Variants in RPS6KA3 observed in about 807,000 individuals in gnomAD.
The protein encoded by RPS6KA3 is ribosomal protein S6 kinase alpha-3.
A neutral mutation model predicts 67.2 loss-of-function variants in RPS6KA3; 4 were observed. The observed-to-expected ratio is 0.06, with a 90% CI of 0.03 to 0.14. The LOEUF (loss-of-function observed/expected upper bound fraction) is 0.14, where lower values mean the gene tolerates loss of function less well. Ranked by LOEUF, RPS6KA3 falls within the 10% of genes least tolerant of loss-of-function variation. The probability of loss-of-function intolerance (pLI) is 1.00; values close to 1 mark genes in which losing one functional copy is unlikely to be tolerated. For missense variants in RPS6KA3, 204 were observed against 559.0 expected (o/e 0.36, Z 6.40); for synonymous variants, 182 against 183.7 (o/e 0.99, Z 0.07).
intron 17 of RPS6KA3, among the ~76,000 whole-genome samples, chrX:20,166,666 TCCTC>T (rs1213450755): frequency 1.9e-5 from 2 of 107,851 alleles, no homozygotes; most frequent in African/African-American, 6.8e-5. Context: ...TGTTCTCCTT[TCCTC>T]CCTCCCTCCC....
chrX:20,247,743 C>T (rs1272845488), intron 1 of RPS6KA3, among the ~76,000 whole-genome samples: 1 of 105,431 alleles, frequency 9.5e-6, no homozygotes, highest in Non-Finnish European at 1.9e-5. Flanking sequence ...GCCGAGATTG[C>T]GCCACTGCAC....
At position 20,249,253 on chromosome X, in the gene RPS6KA3, C is replaced by A. The variant is rs371304051; in HGVS notation, c.70-14439G>T. Among the ~76,000 whole-genome samples the A allele has an allele frequency of 8.0e-5, 9 of 111,995 alleles. No homozygotes were observed. The East Asian group carries it at 1.7e-3, about 21-fold the overall frequency. ...TTTGGTTTCTAATTTTTGGATAGTA[C>A]AAATAAAGCTGCTAGGAACATCTGT... On this transcript the variant is annotated intron_variant, in intron 1 of 21. Coordinates refer to ENST00000379565, the MANE Select transcript of RPS6KA3 (RefSeq NM_004586.3).
intron 4 of RPS6KA3, 40 bp downstream of exon 4, chrX:20,203,982 T>C (rs1200230770): frequency 1.9e-6 from 2 of 1,030,935 alleles, no homozygotes. Flanking sequence ...TTTCAGTTTG[T>C]TTAGACTACA....
chrX:20,170,337 C>A (rs1199976251), intron 15 of RPS6KA3, among the ~76,000 whole-genome samples: 1 of 111,454 alleles, frequency 9.0e-6, no homozygotes, highest in Non-Finnish European at 1.9e-5. Flanking sequence ...GACACTCCAG[C>A]AACCTAGGAA....
intron 1 of RPS6KA3, among the ~76,000 whole-genome samples, chrX:20,247,515 G>A (rs1325924254): frequency 2.7e-5 from 3 of 110,732 alleles, no homozygotes; most frequent in Non-Finnish European, 3.8e-5. Context: ...GGCCGGGCGC[G>A]GTGGCTCATG....
chrX:20,165,110 C>G lies in RPS6KA3; in HGVS notation c.1603-50G>C, dbSNP rs938501279. The stretch of plus-strand genomic sequence containing the variant: ...TTATGTTAACAATATATTTCCATTA[C>G]TGAAAGTTCTTTATTCACAAACTGT... On this transcript the variant is annotated intron_variant, in intron 17 of 21. Transcript: ENST00000379565. 5.0e-6 allele frequency: 5 copies of G among 997,766 alleles called. No individual in the cohort carries two copies. In the African/African-American group the frequency reaches 9.4e-5, roughly 19 times the overall value. The allele number at this position is 997,766 out of a possible 1,213,427, so 82.2% of individuals were successfully genotyped here.
At chrX:20,237,820 C>T (rs150936272) in intron 1 of RPS6KA3, among the ~76,000 whole-genome samples, 4 of 111,620 alleles carry the variant, frequency 3.6e-5, no homozygotes, top group African/African-American at 1.3e-4. Flanking sequence ...GTTCCTACTA[C>T]ACATAATATG....
intron 2 of RPS6KA3, among the ~76,000 whole-genome samples, chrX:20,234,020 T>C (rs1267496014): frequency 8.9e-6 from 1 of 112,399 alleles, no homozygotes; most frequent in African/African-American, 3.2e-5. Flanking sequence ...GCCAGGCACA[T>C]TGGTTTAGTT....
intron 2 of RPS6KA3, among the ~76,000 whole-genome samples, chrX:20,232,698 T>C (rs2069303361): frequency 8.9e-6 from 1 of 112,393 alleles, no homozygotes; most frequent in African/African-American, 3.2e-5. Context: ...ATGGAGTTAA[T>C]ATCCAGAATA....
chrX:20,261,932 T>C (rs1162901076), intron 1 of RPS6KA3, among the ~76,000 whole-genome samples: 1 of 112,010 alleles, frequency 8.9e-6, no homozygotes, highest in Non-Finnish European at 1.9e-5. Context: ...TAGATACTTG[T>C]TTTTTTCTAT....
chrX:20,213,898 TTATA>T (rs2068780731), intron 2 of RPS6KA3, among the ~76,000 whole-genome samples: 1 of 109,972 alleles, frequency 9.1e-6, no homozygotes, highest in Non-Finnish European at 1.9e-5. Context: ...AAATTTCCTT[TTATA>T]TGGGCCCATA....
rs146365006 is a variant in RPS6KA3, at chrX:20,244,370, T to C, written c.70-9556A>G. On this transcript the variant is annotated intron_variant, in intron 1 of 21. Coordinates refer to ENST00000379565, the MANE Select transcript of RPS6KA3 (RefSeq NM_004586.3). ...CACATTTTCTGATTACAATAAAATA[T>C]TGAATAAGGAAATAAAGCACTCACT... 1.1e-3 allele frequency among the ~76,000 whole-genome samples: 127 copies of C among 112,004 alleles called. 4 individuals carry two copies. In the East Asian group the frequency reaches 0.026, roughly 23 times the overall value.
intron 1 of RPS6KA3, among the ~76,000 whole-genome samples, chrX:20,252,485 C>T (rs1194394611): frequency 2.7e-5 from 3 of 109,782 alleles, no homozygotes; most frequent in African/African-American, 6.7e-5. Context: ...CCCTCTGGGC[C>T]GCACCAACAT....
chrX:20,259,009 T>C (rs1419560028), intron 1 of RPS6KA3, among the ~76,000 whole-genome samples: 1 of 111,645 alleles, frequency 9.0e-6, no homozygotes, highest in African/African-American at 3.3e-5. Context: ...ATGTCAGCAA[T>C]TGAGCCATTC....
intron 1 of RPS6KA3, among the ~76,000 whole-genome samples, chrX:20,237,483 G>T (rs2069443152): frequency 8.9e-6 from 1 of 111,733 alleles, no homozygotes; most frequent in African/African-American, 3.2e-5. Flanking sequence ...AGGAGAAACA[G>T]CACTAAACTT....
chrX:20,163,731 C>T (rs968990725), intron 18 of RPS6KA3, among the ~76,000 whole-genome samples: 15 of 110,618 alleles, frequency 1.4e-4, no homozygotes, highest in East Asian at 5.7e-4. Flanking sequence ...TGCAGTGGCG[C>T]GATCTTGGCT....
intron 1 of RPS6KA3, among the ~76,000 whole-genome samples, chrX:20,259,917 T>A (rs772909828): frequency 1.2e-3 from 130 of 111,283 alleles, no homozygotes; most frequent in African/African-American, 4.2e-3. Context: ...CAGAGACTTT[T>A]CGGCTTGAAA....
intron 18 of RPS6KA3, 28 bp from the exon 19 acceptor site, chrX:20,163,068 T>C: frequency 2.2e-6 from 2 of 903,569 alleles, no homozygotes; most frequent in Non-Finnish European, 3.3e-6. Flanking sequence ...TTAGTATTAC[T>C]ATACCACCAT....
chrX:20,163,780 T>G (rs1002652770), intron 18 of RPS6KA3, among the ~76,000 whole-genome samples: 3 of 111,330 alleles, frequency 2.7e-5, no homozygotes, highest in African/African-American at 9.8e-5. Flanking sequence ...GCAATTCTCC[T>G]GCCTCAGGCT....
Sources: allele counts gnomAD v4.1 joint callset (sites outside exome capture counted in the v4.1 genomes callset), GRCh38; gene constraint gnomAD v4.1.1; transcripts MANE v1.5; gene names NCBI Gene and HGNC (gene_info 2026-07-23, HGNC 2026-07-21).